NFIX: variants seen among roughly 807,000 people sequenced by gnomAD.
NFIX encodes the protein nuclear factor 1 X-type.
A neutral mutation model predicts 53.3 loss-of-function variants in NFIX; 2 were observed. That is an observed-to-expected ratio of 0.04 (90% CI 0.02 to 0.12). The LOEUF is 0.12. Among genes scored for constraint, NFIX ranks in the 10% least tolerant of loss-of-function variants. The probability of loss-of-function intolerance (pLI) is 1.00; values close to 1 mark genes in which losing one functional copy is unlikely to be tolerated. For missense variants in NFIX, 310 were observed against 674.5 expected (o/e 0.46, Z 5.99); for synonymous variants, 244 against 289.0 (o/e 0.84, Z 1.58).
In NFIX at chr19:13,040,329, A is replaced by G. The variant is rs2014528601; in HGVS notation, c.559+14777A>G. 1.3e-5 allele frequency among the ~76,000 whole-genome samples: 2 copies of G among 151,974 alleles called. No homozygotes were observed. Among genetic ancestry groups the G allele is most frequent in the African/African-American group, 4.8e-5 (2 of 41,364 alleles). ...TTTGGGGACATCCTCCCTTTTGGCC[A>G]CAAAGCACACAGCCCCCCAGAGGCC... On this transcript the variant is annotated intron_variant, in intron 2 of 10. Transcript: ENST00000592199. This position sits in a 1 kb window ranked among gnomAD's most constrained non-coding sequence, Gnocchi z 4.2.
chr19:13,018,980 T>C (rs1033040198), intron 1 of NFIX, among the ~76,000 whole-genome samples: 1 of 152,260 alleles, frequency 6.6e-6, no homozygotes, highest in Admixed American at 6.5e-5. Context: ...GATACTGGAA[T>C]ATCTGGTCAT....
chr19:13,063,900 C>T (rs2016243712), intron 2 of NFIX, among the ~76,000 whole-genome samples: 1 of 152,152 alleles, frequency 6.6e-6, no homozygotes, highest in South Asian at 2.1e-4. Context: ...TGATGCCCAG[C>T]CCTGGGAGGT....
chr19:13,024,113 C>CAAAAAAAAAAAAAAAAAACAA, intron 1 of NFIX: 6 of 412,068 alleles, frequency 1.5e-5, no homozygotes, highest in South Asian at 5.4e-5. Flanking sequence ...AGCAAACAAC[C>CAAAAAAAAAAAAAAAAAACAA]AAAAAAAAAA....
In NFIX at chr19:13,028,003, G is replaced by A. The variant is rs1407081822; in HGVS notation, c.559+2451G>A. On this transcript the variant is annotated intron_variant, in intron 2 of 10. Coordinates refer to ENST00000592199, the MANE Select transcript of NFIX (RefSeq NM_001365902.3). This position sits in a 1 kb window ranked among gnomAD's most constrained non-coding sequence, Gnocchi z 4.2. ...GAGTTGAGGCGAGTTGGCGCAGCCC[G>A]GGCCACCAGTGGGCTGCATCACTTG... Among the ~76,000 whole-genome samples the A allele has an allele frequency of 6.6e-6, 1 of 152,230 alleles. No individual in the cohort carries two copies. The highest frequency in any genetic ancestry group is 2.4e-5 in the African/African-American group (1 of 41,464).
At chr19:13,004,342 TCACA>T (rs369091023) in intron 1 of NFIX, among the ~76,000 whole-genome samples, 3 of 151,808 alleles carry the variant, frequency 2.0e-5, no homozygotes, top group Non-Finnish European at 2.9e-5. Context: ...GCTGACAGTG[TCACA>T]CACACACACT....
rs1249348405 is a variant in NFIX at position 13,002,338 on chromosome 19, C to T, written c.27+6474C>T. Among the ~76,000 whole-genome samples the T allele has an allele frequency of 6.6e-6, 1 of 152,038 alleles. No homozygotes were observed. Among genetic ancestry groups the T allele is most frequent in the Non-Finnish European group, 1.5e-5 (1 of 67,970 alleles). Reference sequence around the variant, plus strand: ...CTCGATTTTTGGCTCCAGCTCTGGGCGCGTTCACTAAAGGAAGAAGGGCTA... The same window carrying T: ...CTCGATTTTTGGCTCCAGCTCTGGGTGCGTTCACTAAAGGAAGAAGGGCTA... On this transcript the variant is annotated intron_variant, in intron 1 of 10. Transcript: ENST00000592199. The surrounding 1 kb of genome is among the most constrained non-coding windows in gnomAD (Gnocchi z 6.1).
chr19:13,058,467 A>G (rs1242169269), intron 2 of NFIX, among the ~76,000 whole-genome samples: 1 of 151,118 alleles, frequency 6.6e-6, no homozygotes. Flanking sequence ...TGGGCAACAT[A>G]GGGAGAACTT....
At position 13,013,343 on chromosome 19, in the gene NFIX, C is replaced by A. The variant is rs1432228592; in HGVS notation, c.28-11678C>A. Among the ~76,000 whole-genome samples, 2 of 152,210 alleles carry A rather than the reference C, an allele frequency of 1.3e-5. No individual in the cohort carries two copies. Among genetic ancestry groups the A allele is most frequent in the East Asian group, 1.9e-4 (1 of 5,192 alleles). The stretch of plus-strand genomic sequence containing the variant: ...AGCCACCCCTGGAGCCAGAGCAGCC[C>A]CCGAGCATTCAGAGAAAGCCGCCCG... On this transcript the variant is annotated intron_variant, in intron 1 of 10. Coordinates refer to ENST00000592199, the MANE Select transcript of NFIX (RefSeq NM_001365902.3). This position sits in a 1 kb window ranked among gnomAD's most constrained non-coding sequence, Gnocchi z 5.9.
chr19:13,016,856 G>A (rs1291850846), intron 1 of NFIX, among the ~76,000 whole-genome samples: 1 of 151,988 alleles, frequency 6.6e-6, no homozygotes, highest in Non-Finnish European at 1.5e-5. Context: ...CTGCTCCTCC[G>A]GGCAGGTACT....
Position 13,078,171 on chromosome 19 carries a change from G to C in NFIX, c.956-442G>C, listed in dbSNP as rs999598836. ...TCCCACCAGAACCTCCCATGGCCCC[G>C]GGCACCATGGCATAGACCCCAGCCT... On this transcript the variant is annotated intron_variant, in intron 6 of 10. Coordinates refer to ENST00000592199, the MANE Select transcript of NFIX (RefSeq NM_001365902.3). The surrounding 1 kb of genome is among the most constrained non-coding windows in gnomAD (Gnocchi z 4.7). Among the ~76,000 whole-genome samples, 1 of 152,016 alleles carries C rather than the reference G, an allele frequency of 6.6e-6. No homozygotes were observed. Among genetic ancestry groups the C allele is most frequent in the African/African-American group, 2.4e-5 (1 of 41,382 alleles).
At position 13,014,504 on chromosome 19, in the gene NFIX, C is replaced by T. The variant is rs2012551816; in HGVS notation, c.28-10517C>T. 1 of 152,274 alleles carries T rather than the reference C, an allele frequency of 6.6e-6. No homozygotes were observed. The allele number at this position is 152,274 out of a possible 1,614,324, so 9.4% of individuals were successfully genotyped here. ...AGCAGCTTCGCTGCCTACTCTGCAT[C>T]CTCTCCCCTAAAAAGAATCAAGTAT... On this transcript the variant is annotated intron_variant, in intron 1 of 10. Coordinates refer to ENST00000592199, the MANE Select transcript of NFIX (RefSeq NM_001365902.3). The surrounding 1 kb of genome is among the most constrained non-coding windows in gnomAD (Gnocchi z 4.4).
rs2016536102 is a variant in NFIX, at chr19:13,068,069, C to T, written c.560-4978C>T. On this transcript the variant is annotated intron_variant, in intron 2 of 10. Coordinates refer to ENST00000592199, the MANE Select transcript of NFIX (RefSeq NM_001365902.3). The surrounding 1 kb of genome is among the most constrained non-coding windows in gnomAD (Gnocchi z 4.2). ...GCAGTGAGCCGAGATCGCACCACTG[C>T]ACTCCAGCCTGGGTGACAGAGCAAG... Among the ~76,000 whole-genome samples the T allele has an allele frequency of 6.6e-6, 1 of 151,780 alleles. No individual in the cohort carries two copies.
intron 1 of NFIX, among the ~76,000 whole-genome samples, chr19:12,997,970 G>A (rs2011529674): frequency 6.6e-6 from 1 of 152,254 alleles, no homozygotes; most frequent in East Asian, 1.9e-4. Context: ...TGGTGGGCAG[G>A]GAAACCCTTC....
Position 13,095,428 on chromosome 19 carries a change from A to G in NFIX, c.*779A>G, listed in dbSNP as rs2018384733. 6.6e-6 allele frequency: 1 copy of G among 152,248 alleles called. No homozygotes were observed. The highest frequency in any genetic ancestry group is 2.1e-4 in the South Asian group (1 of 4,840). The allele number at this position is 152,248 out of a possible 1,614,324, so 9.4% of individuals were successfully genotyped here. On this transcript the variant is annotated 3_prime_UTR_variant, in exon 11 of 11. Transcript: ENST00000592199. Reference sequence around the variant, plus strand: ...GGACCCCTCTGTACAGTCCGTAGGAAAAAGTCGGAATGCTCTCGACGGCCT... The same window carrying G: ...GGACCCCTCTGTACAGTCCGTAGGAGAAAGTCGGAATGCTCTCGACGGCCT...
rs965963345 is a variant in NFIX at position 13,068,389 on chromosome 19, A to G, written c.560-4658A>G. ...GGGATCCAAGGGGAAAGGCAGCTGAATAAAAGAAGTAAGGTGGGGACTTGT... is the reference window on the plus strand; with the variant it reads ...GGGATCCAAGGGGAAAGGCAGCTGAGTAAAAGAAGTAAGGTGGGGACTTGT... On this transcript the variant is annotated intron_variant, in intron 2 of 10. Transcript: ENST00000592199. The surrounding 1 kb of genome is among the most constrained non-coding windows in gnomAD (Gnocchi z 4.2). Among the ~76,000 whole-genome samples the G allele has an allele frequency of 3.9e-5, 6 of 152,244 alleles. No homozygotes were observed. Among genetic ancestry groups the G allele is most frequent in the Non-Finnish European group, 5.9e-5 (4 of 68,044 alleles).
intron 1 of NFIX, 105 bp from the exon 2 acceptor site, chr19:13,024,916 C>A: frequency 7.1e-7 from 1 of 1,400,508 alleles, no homozygotes; most frequent in Non-Finnish European, 9.8e-7. Context: ...TTCCTTGTGC[C>A]CCCCCTTCTA....
intron 2 of NFIX, among the ~76,000 whole-genome samples, chr19:13,046,386 C>A (rs532591748): frequency 6.6e-6 from 1 of 152,258 alleles, no homozygotes; most frequent in Non-Finnish European, 1.5e-5. Context: ...GTGTTTTCTG[C>A]AGACAAAGCA....
At position 13,060,059 on chromosome 19, in the gene NFIX, A is replaced by T. The variant is rs1228505240; in HGVS notation, c.560-12988A>T. ...CGCCTCAGCCTCTCAAAGTGCTGAG[A>T]TTACAGGCATGAGCCACCGCACCCG... On this transcript the variant is annotated intron_variant, in intron 2 of 10. Coordinates refer to ENST00000592199, the MANE Select transcript of NFIX (RefSeq NM_001365902.3). This position sits in a 1 kb window ranked among gnomAD's most constrained non-coding sequence, Gnocchi z 4.3. Among the ~76,000 whole-genome samples, 2 of 152,170 alleles carry T rather than the reference A, an allele frequency of 1.3e-5. No individual in the cohort carries two copies. The highest frequency in any genetic ancestry group is 4.8e-5 in the African/African-American group (2 of 41,450).
chr19:13,020,375 T>C (rs1397707386), intron 1 of NFIX, among the ~76,000 whole-genome samples: 1 of 152,048 alleles, frequency 6.6e-6, no homozygotes, highest in Admixed American at 6.6e-5. Context: ...GCAATTCCTC[T>C]GTGTGCGCCC....
Sources: gnomAD v4.1 joint callset for allele counts (sites outside exome capture counted in the v4.1 genomes callset) on GRCh38, gnomAD v4.1.1 for gene constraint, Gnocchi (gnomAD v3.1) non-coding constraint, MANE v1.5 for transcripts, NCBI Gene and HGNC (gene_info 2026-07-23, HGNC 2026-07-21) for gene names.